Variants in SYT9 observed in about 807,000 individuals in gnomAD.
SYT9 encodes synaptotagmin-9.
A neutral mutation model predicts 48.4 loss-of-function variants in SYT9; 22 were observed. The observed-to-expected ratio is 0.45, with a 90% CI of 0.32 to 0.65. The LOEUF is 0.65. Among genes scored for constraint, SYT9 ranks in the 30% least tolerant of loss-of-function variants. SYT9 has a pLI of 0.03. For missense variants in SYT9, 577 were observed against 622.0 expected (o/e 0.93, Z 0.77); for synonymous variants, 265 against 245.0 (o/e 1.08, Z -0.76).
intron 3 of SYT9, among the ~76,000 whole-genome samples, chr11:7,325,185 C>A (rs1193160945): frequency 6.6e-6 from 1 of 151,512 alleles, no homozygotes; most frequent in Non-Finnish European, 1.5e-5. Flanking sequence ...GGCATTGAAT[C>A]TGTAAATTAC....
chr11:7,248,009 T>C (rs1301181914), upstream of SYT9, among the ~76,000 whole-genome samples: 1 of 152,198 alleles, frequency 6.6e-6, no homozygotes, highest in Non-Finnish European at 1.5e-5. Context: ...GATTTTTTGA[T>C]TATGGTCATT....
chr11:7,314,582 G>C (rs944586020), intron 3 of SYT9, among the ~76,000 whole-genome samples: 1 of 152,148 alleles, frequency 6.6e-6, no homozygotes, highest in African/African-American at 2.4e-5. Flanking sequence ...GCTATGTAGT[G>C]GTACCATACG....
intron 1 of SYT9, among the ~76,000 whole-genome samples, chr11:7,267,279 G>T (rs1848202115): frequency 6.6e-6 from 1 of 151,950 alleles, no homozygotes; most frequent in Non-Finnish European, 1.5e-5. Flanking sequence ...GAGGATAGAA[G>T]TTATAGAGTT....
intron 3 of SYT9, among the ~76,000 whole-genome samples, chr11:7,330,985 G>A (rs1404265552): frequency 1.3e-5 from 2 of 151,944 alleles, no homozygotes; most frequent in Non-Finnish European, 2.9e-5. Flanking sequence ...TTTTAGTAGA[G>A]ATGGGGTTTC....
intron 1 of SYT9, among the ~76,000 whole-genome samples, chr11:7,295,038 A>C (rs1182702372): frequency 6.6e-6 from 1 of 152,132 alleles, no homozygotes; most frequent in Admixed American, 6.5e-5. Context: ...TGTGGTTCAT[A>C]CCTATACTAA....
chr11:7,391,777 G>A (rs146527472), intron 3 of SYT9, among the ~76,000 whole-genome samples: 2 of 102,164 alleles, frequency 2.0e-5, no homozygotes, highest in Non-Finnish European at 4.4e-5. Context: ...CTAGCTAGGC[G>A]TGGTGGCATA....
intron 1 of SYT9, among the ~76,000 whole-genome samples, chr11:7,280,535 T>C (rs1848474500): frequency 6.6e-6 from 1 of 152,266 alleles, no homozygotes; most frequent in Non-Finnish European, 1.5e-5. Flanking sequence ...TCTCCAGCAC[T>C]ATCGTAAGAC....
intron 1 of SYT9, among the ~76,000 whole-genome samples, chr11:7,291,876 A>G (rs938331803): frequency 2.0e-5 from 3 of 152,156 alleles, no homozygotes; most frequent in Non-Finnish European, 2.9e-5. Flanking sequence ...ATACCTGAGG[A>G]AGGCCAGGAA....
chr11:7,348,688 CTTTTTTT>C (rs34752256), intron 3 of SYT9, among the ~76,000 whole-genome samples: 156 of 47,102 alleles, frequency 3.3e-3, no homozygotes, highest in Middle Eastern at 0.029. Context: ...ATCAGACCTC[CTTTTTTT>C]TTTTTTTTTT....
chr11:7,313,549 A>C lies in SYT9; in HGVS notation c.652A>C (p.Ser218Arg). Residue 218 changes from serine (S) to arginine (R), a missense_variant, in exon 3 of 7, where the codon AGC becomes CGC. Coordinates refer to ENST00000318881, the MANE Select transcript of SYT9 (RefSeq NM_175733.4). ...TAATGATGACGGGAGACGGAGTAAC[A>C]GCAAGGCTTGTGGGAAACTGAACTT... ...LDNDDGRRSNSKACGKLNFIL... is the reference protein window; with the variant it reads ...LDNDDGRRSNRKACGKLNFIL... 6.2e-7 allele frequency: 1 copy of C among 1,614,176 alleles called. No individual in the cohort carries two copies.
At chr11:7,356,841 C>T (rs1379527116) in intron 3 of SYT9, among the ~76,000 whole-genome samples, 1 of 152,204 alleles carries the variant, frequency 6.6e-6, no homozygotes, top group East Asian at 1.9e-4. Flanking sequence ...CTACACTAAA[C>T]TGTTACTGTG....
chr11:7,367,623 T>G (rs1308318210), intron 3 of SYT9, among the ~76,000 whole-genome samples: 3 of 152,214 alleles, frequency 2.0e-5, no homozygotes, highest in Admixed American at 6.5e-5. Context: ...GTGACTTGCC[T>G]GCTTCTTTTT....
chr11:7,454,127 T>C, intron 6 of SYT9: 1 of 985,390 alleles, frequency 1.0e-6, no homozygotes, highest in South Asian at 4.7e-5. Flanking sequence ...TTCCTTTCCT[T>C]GCTACCTACC....
At chr11:7,378,359 G>A (rs1158248005) in intron 3 of SYT9, among the ~76,000 whole-genome samples, 3 of 152,072 alleles carry the variant, frequency 2.0e-5, no homozygotes, top group Non-Finnish European at 2.9e-5. Context: ...TCCATGGAAC[G>A]ATTTAAGCTA....
intron 3 of SYT9, among the ~76,000 whole-genome samples, chr11:7,335,756 C>A (rs938310915): frequency 4.6e-5 from 7 of 152,036 alleles, no homozygotes; most frequent in African/African-American, 1.7e-4. Flanking sequence ...CGTTGATGGG[C>A]ATTTAGGTTG....
intron 1 of SYT9, among the ~76,000 whole-genome samples, chr11:7,286,056 G>T (rs183630076): frequency 1.3e-5 from 2 of 152,340 alleles, no homozygotes; most frequent in East Asian, 3.9e-4. Flanking sequence ...TCCTTCTGGG[G>T]TCTGGAGGAT....
chr11:7,349,240 G>A (rs187166448), intron 3 of SYT9, among the ~76,000 whole-genome samples: 2 of 152,194 alleles, frequency 1.3e-5, no homozygotes, highest in Non-Finnish European at 2.9e-5. Flanking sequence ...TCTAGTTGGG[G>A]TGATGCCAGC....
intron 5 of SYT9, 70 bp from the exon 6 acceptor site, chr11:7,420,435 GT>G: frequency 1.9e-6 from 3 of 1,573,146 alleles, no homozygotes; most frequent in Non-Finnish European, 2.6e-6. Flanking sequence ...TCCTTCATCA[GT>G]TTAATTGAGT....
rs137876510 is a variant in SYT9, at chr11:7,271,291, C to T, written c.145+18960C>T. 5.3e-3 allele frequency among the ~76,000 whole-genome samples: 813 copies of T among 152,232 alleles called. 5 individuals are homozygous for T. The highest frequency in any genetic ancestry group is 0.028 in the South Asian group (137 of 4,818). ...GACCATATCTGCTACAAACTCTGCA[C>T]TCCCAGAAGTTAACATTTTTAGGGT... is the stretch of plus-strand genomic sequence containing the variant. On this transcript the variant is annotated intron_variant, in intron 1 of 6. Coordinates refer to ENST00000318881, the MANE Select transcript of SYT9 (RefSeq NM_175733.4).
Sources: allele counts gnomAD v4.1 joint callset (sites outside exome capture counted in the v4.1 genomes callset), GRCh38; gene constraint gnomAD v4.1.1; transcripts MANE v1.5; gene names NCBI Gene and HGNC (gene_info 2026-07-23, HGNC 2026-07-21).